KCNQ3: variants seen among roughly 807,000 people sequenced by gnomAD.
KCNQ3 encodes potassium voltage-gated channel subfamily KQT member 3.
In KCNQ3, 30 loss-of-function variants were observed where a neutral mutation model predicts 92.5. The ratio of observed to expected loss-of-function variants is 0.32; its 90% CI spans 0.24 to 0.44. The LOEUF is 0.44. Ranked by LOEUF, KCNQ3 falls within the 20% of genes least tolerant of loss-of-function variation. The probability of loss-of-function intolerance (pLI) is 1.00; values close to 1 mark genes in which losing one functional copy is unlikely to be tolerated. For synonymous variants in KCNQ3, 450 were observed against 468.8 expected (o/e 0.96, Z 0.52); for missense variants, 913 against 1,140.3 (o/e 0.80, Z 2.87).
intron 1 of KCNQ3, among the ~76,000 whole-genome samples, chr8:132,265,816 C>T (rs768886129): frequency 4.6e-5 from 7 of 152,200 alleles, no homozygotes; most frequent in East Asian, 1.9e-4. Flanking sequence ...AACAAAGGGA[C>T]GAATGAAACA....
chr8:132,270,101 C>G (rs1458352613), intron 1 of KCNQ3, among the ~76,000 whole-genome samples: 1 of 150,062 alleles, frequency 6.7e-6, no homozygotes, highest in African/African-American at 2.4e-5. Context: ...TGCAGCTTCC[C>G]TAGGATTTCT....
intron 1 of KCNQ3, among the ~76,000 whole-genome samples, chr8:132,415,767 C>T (rs1050966439): frequency 3.9e-5 from 6 of 152,148 alleles, no homozygotes; most frequent in Admixed American, 3.3e-4. Flanking sequence ...CAAAAGCTAT[C>T]TTAGCTATTG....
chr8:132,255,179 A>T (rs1423485267), intron 1 of KCNQ3, among the ~76,000 whole-genome samples: 4 of 152,084 alleles, frequency 2.6e-5, no homozygotes, highest in Admixed American at 2.6e-4. Flanking sequence ...TAAGCAGCCT[A>T]TAAGTCTTTG....
At chr8:132,176,586 C>T (rs1207913245) in intron 4 of KCNQ3, among the ~76,000 whole-genome samples, 1 of 152,164 alleles carries the variant, frequency 6.6e-6, no homozygotes, top group Non-Finnish European at 1.5e-5. Flanking sequence ...AGTCAGCTGG[C>T]CCTTCTGGGC....
Position 132,137,909 on chromosome 8 carries a change from G to C in KCNQ3, c.1676C>G (p.Ser559Cys). The C allele has an allele frequency of 6.2e-7, 1 of 1,614,070 alleles. No homozygotes were observed. The change falls in exon 12 of 15, where the codon TCC becomes TGC. Residue 559 changes from serine to cysteine, a missense_variant. Around this residue, in one of 6 missense-constraint regions of KCNQ3, gnomAD observed 182 missense variants for 234.5 expected, o/e 0.78. Transcript: ENST00000388996. ...QYSAGHLDML[S>C]RIKYLQTRID... Reference sequence around the variant, plus strand: ...CCTCGTCTGAAGGTACTTTATCCTGGAAAGCATGTCGAGATGCCCGGCAGA... The same window carrying C: ...CCTCGTCTGAAGGTACTTTATCCTGCAAAGCATGTCGAGATGCCCGGCAGA...
Position 132,175,361 on chromosome 8 carries a change from G to T in KCNQ3, c.933+92C>A, listed in dbSNP as rs777424601. ...TTACCTCTGACTGCAGAATGCAGCT[G>T]CCTGGCTGAACATGCTCATGTGATG... On this transcript the variant is annotated intron_variant, in intron 5 of 14. Transcript: ENST00000388996. 1,558 of 1,413,130 alleles carry T rather than the reference G, an allele frequency of 1.1e-3. 3 individuals carry two copies. The highest frequency in any genetic ancestry group is 1.1e-3 in the Non-Finnish European group (1,100 of 999,174). 87.5% of individuals were successfully genotyped at this position (1,413,130 alleles called of 1,614,324 possible).
At chr8:132,281,538 A>G (rs115822938) in intron 1 of KCNQ3, among the ~76,000 whole-genome samples, 1,259 of 68,812 alleles carry the variant, frequency 0.018, 16 homozygotes, top group African/African-American at 0.065. Flanking sequence ...GTGTGTGTGT[A>G]TATGTGTGTG....
At chr8:132,283,100 T>TGTGTGTGTGTGTGTGTGTGTATGTGTG (rs1454308057) in intron 1 of KCNQ3, among the ~76,000 whole-genome samples, 2 of 145,228 alleles carry the variant, frequency 1.4e-5, no homozygotes, top group African/African-American at 5.7e-5. Context: ...CTCGTGTGTG[T>TGTGTGTGTGTGTGTGTGTGTATGTGTG]GTGTGTGTGT....
At chr8:132,335,503 C>T (rs916569166) in intron 1 of KCNQ3, among the ~76,000 whole-genome samples, 21 of 152,188 alleles carry the variant, frequency 1.4e-4, no homozygotes, top group Non-Finnish European at 2.4e-4. Flanking sequence ...GTGTGATAAC[C>T]GCCCAGCTAC....
chr8:132,244,730 G>T (rs1437960076), intron 1 of KCNQ3, among the ~76,000 whole-genome samples: 1 of 152,138 alleles, frequency 6.6e-6, no homozygotes, highest in African/African-American at 2.4e-5. Context: ...GCACAGAAAT[G>T]AGCTGATGTC....
At chr8:132,155,875 T>G (rs972206529) in intron 9 of KCNQ3, among the ~76,000 whole-genome samples, 2 of 152,304 alleles carry the variant, frequency 1.3e-5, no homozygotes, top group East Asian at 3.9e-4. Flanking sequence ...GTGATTGGAC[T>G]GACCACTGGA....
chr8:132,168,174 C>A (rs1028424848), intron 8 of KCNQ3, among the ~76,000 whole-genome samples: 6 of 152,314 alleles, frequency 3.9e-5, no homozygotes, highest in African/African-American at 1.4e-4. Context: ...ACTCCCCCTT[C>A]GAACTGCTTT....
intron 1 of KCNQ3, among the ~76,000 whole-genome samples, chr8:132,349,677 G>C (rs963855367): frequency 2.6e-5 from 4 of 152,170 alleles, no homozygotes; most frequent in Admixed American, 2.0e-4. Flanking sequence ...CAGCCCAGGA[G>C]ACCTGCAGAG....
At chr8:132,276,379 G>A (rs1162348780) in intron 1 of KCNQ3, among the ~76,000 whole-genome samples, 1 of 152,104 alleles carries the variant, frequency 6.6e-6, no homozygotes, top group Non-Finnish European at 1.5e-5. Flanking sequence ...CAGGGGAGCT[G>A]TCAGCAGAAC....
intron 1 of KCNQ3, among the ~76,000 whole-genome samples, chr8:132,301,869 G>T (rs1817225567): frequency 6.6e-6 from 1 of 152,126 alleles, no homozygotes; most frequent in Admixed American, 6.6e-5. Flanking sequence ...TGTAGTCCTG[G>T]AGCTCAAGAG....
intron 1 of KCNQ3, among the ~76,000 whole-genome samples, chr8:132,190,808 C>T (rs539575245): frequency 6.6e-6 from 1 of 152,306 alleles, no homozygotes; most frequent in South Asian, 2.1e-4. Context: ...AAAACTAATA[C>T]CATGTGGAAT....
intron 1 of KCNQ3, among the ~76,000 whole-genome samples, chr8:132,378,452 C>G (rs1819666557): frequency 6.6e-6 from 1 of 152,076 alleles, no homozygotes; most frequent in South Asian, 2.1e-4. Flanking sequence ...AATTTATACT[C>G]CAATCCGATG....
At chr8:132,267,092 A>G (rs1438478454) in intron 1 of KCNQ3, among the ~76,000 whole-genome samples, 1 of 152,142 alleles carries the variant, frequency 6.6e-6, no homozygotes, top group Non-Finnish European at 1.5e-5. Flanking sequence ...TCCAGACCTC[A>G]TCACCTCAAA....
At chr8:132,403,291 G>A (rs1430417419) in intron 1 of KCNQ3, among the ~76,000 whole-genome samples, 1 of 152,122 alleles carries the variant, frequency 6.6e-6, no homozygotes, top group Non-Finnish European at 1.5e-5. Flanking sequence ...ATCTCTGGGT[G>A]CCCCTAAGAC....
Sources: gnomAD v4.1 joint callset for allele counts (sites outside exome capture counted in the v4.1 genomes callset) on GRCh38, gnomAD v4.1.1 for gene constraint, gnomAD v4.1.1 regional missense constraint, MANE v1.5 for transcripts, NCBI Gene and HGNC (gene_info 2026-07-23, HGNC 2026-07-21) for gene names.